The following NRXN1 variants were observed in gnomAD, a reference collection of about 807,000 sequenced individuals.
NRXN1 encodes the protein neurexin-1.
In NRXN1, 39 loss-of-function variants were observed where a neutral mutation model predicts 150.9. The ratio of observed to expected loss-of-function variants is 0.26; its 90% CI spans 0.20 to 0.34. The LOEUF (loss-of-function observed/expected upper bound fraction) is 0.34, where lower values mean the gene tolerates loss of function less well. NRXN1 is among the 10% of genes least tolerant of loss of function. The pLI is 1.00. For synonymous variants in NRXN1, 924 were observed against 757.0 expected (o/e 1.22, Z -3.62); for missense variants, 1,815 against 1,949.9 (o/e 0.93, Z 1.30).
chr2:50,800,431 A>G (rs1707428624), intron 5 of NRXN1, among the ~76,000 whole-genome samples: 3 of 152,196 alleles, frequency 2.0e-5, no homozygotes, highest in Admixed American at 2.0e-4. Flanking sequence ...ATGAGCGATT[A>G]TAGGACATGT....
At chr2:50,838,708 G>T (rs1324120817) in intron 5 of NRXN1, among the ~76,000 whole-genome samples, 1 of 152,082 alleles carries the variant, frequency 6.6e-6, no homozygotes, top group Non-Finnish European at 1.5e-5. Context: ...ATCTGCAAGT[G>T]AAAGAACACC....
chr2:51,030,573 G>C (rs898978656), intron 1 of NRXN1, among the ~76,000 whole-genome samples: 9 of 145,424 alleles, frequency 6.2e-5, no homozygotes, highest in South Asian at 2.2e-4. Context: ...CACACACACA[G>C]TGTGGGTGTG....
intron 5 of NRXN1, chr2:50,898,470 C>G (rs1385594784): frequency 6.8e-6 from 2 of 295,676 alleles, no homozygotes; most frequent in African/African-American, 2.3e-5. Flanking sequence ...GTTTTATTTT[C>G]AAAGTTATCC....
intron 17 of NRXN1, among the ~76,000 whole-genome samples, chr2:50,412,761 AC>A (rs1362183476): frequency 3.3e-5 from 5 of 152,146 alleles, no homozygotes; most frequent in African/African-American, 9.7e-5. Flanking sequence ...TGACAGACAT[AC>A]CTTTTTTCCA....
At chr2:50,564,127 AC>A (rs1669513579) in intron 8 of NRXN1, among the ~76,000 whole-genome samples, 1 of 152,212 alleles carries the variant, frequency 6.6e-6, no homozygotes, top group African/African-American at 2.4e-5. Context: ...TTGCTACTTA[AC>A]TACTTTTACT....
intron 18 of NRXN1, among the ~76,000 whole-genome samples, chr2:50,100,312 C>T (rs535979086): frequency 2.0e-5 from 3 of 151,960 alleles, no homozygotes; most frequent in East Asian, 1.9e-4. Context: ...ATTTAGTGGT[C>T]GTAAAGTGAG....
intron 5 of NRXN1, among the ~76,000 whole-genome samples, chr2:50,761,378 G>A (rs1701784917): frequency 6.6e-6 from 1 of 151,798 alleles, no homozygotes; most frequent in Admixed American, 6.6e-5. Flanking sequence ...TCTCATGATA[G>A]GGAATAAGTC....
chr2:50,047,167 G>A (rs1691939252), intron 21 of NRXN1, among the ~76,000 whole-genome samples: 4 of 152,128 alleles, frequency 2.6e-5, no homozygotes, highest in South Asian at 2.1e-4. Flanking sequence ...AAGGCAATAC[G>A]TAAGAGCAGA....
At chr2:50,123,242 G>C (rs1249910192) in intron 18 of NRXN1, among the ~76,000 whole-genome samples, 4 of 152,158 alleles carry the variant, frequency 2.6e-5, no homozygotes, top group African/African-American at 4.8e-5. Context: ...AGAGGTAAAA[G>C]AAGTGAGCAG....
intron 17 of NRXN1, among the ~76,000 whole-genome samples, chr2:50,272,559 C>A (rs76120456): frequency 0.013 from 2,052 of 152,138 alleles, 56 homozygotes; most frequent in African/African-American, 0.047. Flanking sequence ...AACACAGATT[C>A]TCTGAAACAA....
chr2:50,125,429 T>C (rs1243944812), intron 18 of NRXN1, among the ~76,000 whole-genome samples: 2 of 152,124 alleles, frequency 1.3e-5, no homozygotes, highest in African/African-American at 4.8e-5. Flanking sequence ...ATTACACATC[T>C]GGCTTTGTAC....
chr2:50,581,290 G>A (rs1672225422), intron 8 of NRXN1, among the ~76,000 whole-genome samples: 1 of 152,124 alleles, frequency 6.6e-6, no homozygotes, highest in Non-Finnish European at 1.5e-5. Context: ...ACAGTTTTCA[G>A]GTTAATGTGG....
rs200271042 is a variant in NRXN1, at chr2:50,485,513, C to T, written c.3070+10392G>A. ...CACTGGAGGATGCAGAACTGGCACC[C>T]GACACGCTGAGAAAACTTTAAAGAG... On this transcript the variant is annotated intron_variant, in intron 15 of 22. Transcript: ENST00000401669. Among the ~76,000 whole-genome samples, 61 of 152,234 alleles carry T rather than the reference C, an allele frequency of 4.0e-4. 1 individual carries two copies. The highest frequency in any genetic ancestry group is 3.7e-3 in the East Asian group (19 of 5,168).
intron 17 of NRXN1, among the ~76,000 whole-genome samples, chr2:50,280,730 TA>T (rs1293635526): frequency 6.6e-6 from 1 of 152,126 alleles, no homozygotes; most frequent in Non-Finnish European, 1.5e-5. Flanking sequence ...CTCTAATTGA[TA>T]GCTTGGGATC....
chr2:50,335,608 T>C (rs946359830), intron 17 of NRXN1, among the ~76,000 whole-genome samples: 12 of 151,416 alleles, frequency 7.9e-5, no homozygotes, highest in African/African-American at 1.9e-4. Context: ...TATTCAACAC[T>C]AAACTGCAGC....
chr2:50,577,061 T>C (rs1009500590), intron 8 of NRXN1, among the ~76,000 whole-genome samples: 1 of 152,162 alleles, frequency 6.6e-6, no homozygotes, highest in Admixed American at 6.6e-5. Context: ...AGACTGCTAC[T>C]ATTTGGTTGT....
intron 18 of NRXN1, among the ~76,000 whole-genome samples, chr2:50,194,204 GA>G (rs139061530): frequency 0.046 from 6,948 of 152,108 alleles, 241 homozygotes; most frequent in Middle Eastern, 0.1. Flanking sequence ...ATATTCACTT[GA>G]ATTTTGTGTC....
intron 5 of NRXN1, among the ~76,000 whole-genome samples, chr2:50,908,640 G>GA (rs150477381): frequency 2.0e-5 from 3 of 151,944 alleles, no homozygotes; most frequent in Non-Finnish European, 2.9e-5. Flanking sequence ...ATATGGAAGA[G>GA]AAAAAATCTG....
intron 17 of NRXN1, among the ~76,000 whole-genome samples, chr2:50,456,667 T>C (rs547817617): frequency 6.6e-6 from 1 of 152,100 alleles, no homozygotes; most frequent in Non-Finnish European, 1.5e-5. Flanking sequence ...CTTGACCTTT[T>C]TTCTGGACTC....
Sources: gnomAD v4.1 joint callset for allele counts (sites outside exome capture counted in the v4.1 genomes callset) on GRCh38, gnomAD v4.1.1 for gene constraint, MANE v1.5 for transcripts, NCBI Gene and HGNC (gene_info 2026-07-23, HGNC 2026-07-21) for gene names.